Variants in KCNMB4 observed in about 807,000 individuals in gnomAD.
The protein encoded by KCNMB4 is potassium calcium-activated channel subfamily M regulatory beta subunit 4.
KCNMB4 carries 3 observed loss-of-function variants against 20.7 expected under a neutral mutation model. The ratio of observed to expected loss-of-function variants is 0.14; its 90% CI spans 0.07 to 0.37. The LOEUF (loss-of-function observed/expected upper bound fraction) is 0.37, where lower values mean the gene tolerates loss of function less well. Ranked by LOEUF, KCNMB4 falls within the 10% of genes least tolerant of loss-of-function variation. KCNMB4 has a pLI of 1.00. For synonymous variants in KCNMB4, 110 were observed against 113.4 expected, an observed-to-expected ratio of 0.97 and a Z score of 0.19; for missense variants, 168 against 265.9, an observed-to-expected ratio of 0.63 and a Z score of 2.56.
At chr12:70,390,007 C>G (rs925251141) in intron 1 of KCNMB4, among the ~76,000 whole-genome samples, 1 of 152,114 alleles carries the variant, frequency 6.6e-6, no homozygotes, top group Non-Finnish European at 1.5e-5. Flanking sequence ...ATTTGTTAAC[C>G]AGTGTCCATA....
At position 70,430,393 on chromosome 12, in the gene KCNMB4, AT is replaced by A. The variant is rs1302532220; in HGVS notation, c.465-91del. 2.2e-5 allele frequency: 29 copies of A among 1,340,470 alleles called. No individual in the cohort carries two copies. In the Admixed American group the frequency reaches 5.6e-4, roughly 26 times the overall value. The allele number at this position is 1,340,470 out of a possible 1,614,324, so 83.0% of individuals were successfully genotyped here. Reference sequence around the variant, plus strand: ...GCAGCCTTTACTTTCAATAATGGTTATGGAAAGCAAGTTTGGCTTTAGGTTG... The same window carrying A: ...GCAGCCTTTACTTTCAATAATGGTTAGGAAAGCAAGTTTGGCTTTAGGTTG... On this transcript the variant is annotated intron_variant, in intron 2 of 2. Coordinates refer to ENST00000258111, the MANE Select transcript of KCNMB4 (RefSeq NM_014505.6).
chr12:70,388,146 A>G (rs1868272167), intron 1 of KCNMB4, among the ~76,000 whole-genome samples: 1 of 152,130 alleles, frequency 6.6e-6, no homozygotes, highest in Non-Finnish European at 1.5e-5. Context: ...GATGTTGCAA[A>G]TGATGGGATC....
intron 1 of KCNMB4, among the ~76,000 whole-genome samples, chr12:70,383,289 G>T (rs997902252): frequency 2.6e-5 from 4 of 152,072 alleles, no homozygotes; most frequent in African/African-American, 4.8e-5. Context: ...GTATATTTCA[G>T]TAAAGCTAAG....
chr12:70,430,038 C>CTTTTTTTTTT, intron 2 of KCNMB4, among the ~76,000 whole-genome samples: 1 of 147,056 alleles, frequency 6.8e-6, no homozygotes. Context: ...TTTAACTGAC[C>CTTTTTTTTTT]TTTTTTTTTT....
chr12:70,413,862 A>G (rs2136137065), intron 2 of KCNMB4, among the ~76,000 whole-genome samples: 1 of 152,324 alleles, frequency 6.6e-6, no homozygotes, highest in African/African-American at 2.4e-5. Flanking sequence ...CAGAAAGTAT[A>G]TTAAGTTTAT....
At chr12:70,387,900 AAAT>A (rs1328418624) in intron 1 of KCNMB4, among the ~76,000 whole-genome samples, 2 of 152,186 alleles carry the variant, frequency 1.3e-5, no homozygotes, top group Non-Finnish European at 2.9e-5. Context: ...CTGTGCTATC[AAAT>A]AATAGGTCTT....
intron 2 of KCNMB4, among the ~76,000 whole-genome samples, chr12:70,410,227 G>T (rs1285332149): frequency 6.6e-6 from 1 of 152,192 alleles, no homozygotes; most frequent in Non-Finnish European, 1.5e-5. Context: ...TAATATCAAG[G>T]AGATGGCATG....
intron 2 of KCNMB4, among the ~76,000 whole-genome samples, chr12:70,429,736 C>T (rs533894916): frequency 3.8e-4 from 58 of 151,498 alleles, no homozygotes; most frequent in African/African-American, 1.4e-3. Context: ...GATTAGAGAT[C>T]ATGGCTTGTG....
intron 2 of KCNMB4, among the ~76,000 whole-genome samples, chr12:70,422,088 TGA>T (rs1869082348): frequency 6.6e-6 from 1 of 152,290 alleles, no homozygotes; most frequent in East Asian, 1.9e-4. Context: ...TTTAAACTAT[TGA>T]ACTTTCACAT....
At chr12:70,413,423 T>TA (rs1469724881) in intron 2 of KCNMB4, among the ~76,000 whole-genome samples, 1 of 152,280 alleles carries the variant, frequency 6.6e-6, no homozygotes, top group East Asian at 1.9e-4. Flanking sequence ...AAGTAGGTCA[T>TA]AGAGTGCAGC....
At chr12:70,414,093 G>T (rs575775783) in intron 2 of KCNMB4, among the ~76,000 whole-genome samples, 1 of 152,054 alleles carries the variant, frequency 6.6e-6, no homozygotes, top group African/African-American at 2.4e-5. Flanking sequence ...TTAGCCAGGC[G>T]TGGTGGTGCA....
chr12:70,420,705 T>G (rs1869027930), intron 2 of KCNMB4, among the ~76,000 whole-genome samples: 1 of 152,170 alleles, frequency 6.6e-6, no homozygotes, highest in South Asian at 2.1e-4. Context: ...TTGCAGATAG[T>G]TCTAAGTGTA....
chr12:70,411,653 A>G (rs1056398652), intron 2 of KCNMB4, among the ~76,000 whole-genome samples: 1 of 152,092 alleles, frequency 6.6e-6, no homozygotes, highest in Non-Finnish European at 1.5e-5. Flanking sequence ...TAAAAATGCT[A>G]CCATCTCAAG....
intron 2 of KCNMB4, among the ~76,000 whole-genome samples, chr12:70,424,222 G>C (rs1378328161): frequency 6.6e-6 from 1 of 152,184 alleles, no homozygotes; most frequent in Non-Finnish European, 1.5e-5. Context: ...TCAAATCTCA[G>C]AAGCTACTGC....
intron 2 of KCNMB4, among the ~76,000 whole-genome samples, chr12:70,425,306 T>C (rs1364891884): frequency 3.3e-5 from 5 of 151,788 alleles, no homozygotes; most frequent in Admixed American, 1.3e-4. Flanking sequence ...GGTGTGGTGG[T>C]GGGCGCCTGT....
chr12:70,388,411 G>A lies in KCNMB4; in HGVS notation c.337-11798G>A, dbSNP rs527286535. 2.0e-5 allele frequency among the ~76,000 whole-genome samples: 3 copies of A among 152,046 alleles called. No individual in the cohort carries two copies. In the South Asian group the frequency reaches 6.3e-4, roughly 32 times the overall value. On this transcript the variant is annotated intron_variant, in intron 1 of 2. Coordinates refer to ENST00000258111, the MANE Select transcript of KCNMB4 (RefSeq NM_014505.6). ...TTTTGAGTAACTACATTGTTCTCCAGTTTAGTTACTCAAAACTGTTCTCCA... is the reference window on the plus strand; with the variant it reads ...TTTTGAGTAACTACATTGTTCTCCAATTTAGTTACTCAAAACTGTTCTCCA...
At chr12:70,387,556 C>T (rs957979141) in intron 1 of KCNMB4, among the ~76,000 whole-genome samples, 2 of 152,024 alleles carry the variant, frequency 1.3e-5, no homozygotes, top group African/African-American at 2.4e-5. Context: ...GCGTGCACCA[C>T]CATGCCCAGC....
chr12:70,412,431 C>G (rs1039728914), intron 2 of KCNMB4, among the ~76,000 whole-genome samples: 6 of 152,170 alleles, frequency 3.9e-5, no homozygotes, highest in Non-Finnish European at 2.9e-5. Flanking sequence ...TTATGTGTGA[C>G]AGACAACACT....
chr12:70,414,665 C>G (rs1443177769), intron 2 of KCNMB4, among the ~76,000 whole-genome samples: 5 of 152,198 alleles, frequency 3.3e-5, no homozygotes, highest in Non-Finnish European at 7.3e-5. Context: ...TTTTTGGCAG[C>G]TACAGCACAC....
Sources: allele counts gnomAD v4.1 joint callset (sites outside exome capture counted in the v4.1 genomes callset), GRCh38; gene constraint gnomAD v4.1.1; transcripts MANE v1.5; gene names NCBI Gene and HGNC (gene_info 2026-07-23, HGNC 2026-07-21).